Variants in VPS52 observed in about 807,000 individuals in gnomAD.
VPS52 encodes VPS52 subunit of GARP complex.
A neutral mutation model predicts 98.7 loss-of-function variants in VPS52; 56 were observed. The observed-to-expected ratio is 0.57, with a 90% CI of 0.46 to 0.71. The LOEUF (loss-of-function observed/expected upper bound fraction) is 0.71. VPS52 is among the 30% of genes least tolerant of loss of function. The pLI is 0.00. For missense variants in VPS52, 742 were observed against 925.9 expected, an observed-to-expected ratio of 0.80 and a Z score of 2.58; for synonymous variants, 348 against 346.4, an observed-to-expected ratio of 1.00 and a Z score of -0.05.
chr6:33,252,119 T>C, intron 17 of VPS52, 148 bp from the exon 18 acceptor site: 1 of 659,516 alleles, frequency 1.5e-6, no homozygotes, highest in East Asian at 2.7e-5. Context: ...AAAAATATCC[T>C]CAATCCTAAT....
intron 17 of VPS52, among the ~76,000 whole-genome samples, chr6:33,252,667 GA>G (rs1184916743): frequency 1.3e-5 from 2 of 150,790 alleles, no homozygotes; most frequent in Non-Finnish European, 3.0e-5. Context: ...TTGAAAAAAG[GA>G]AATTTTTTTA....
chr6:33,263,902 G>A lies in VPS52; in HGVS notation c.1621-23C>T. ...CACCTGAAAAGGCAGAGAGGAAGAG[G>A]TGACACCAGAAAGCAAGGTCATCTG... On this transcript the variant is annotated intron_variant, in intron 15 of 19. Transcript: ENST00000445902. 2.5e-6 allele frequency: 4 copies of A among 1,614,052 alleles called. No homozygotes were observed. The African/African-American group carries it at 4.0e-5, about 16-fold the overall frequency.
rs780409754 is a variant in VPS52 at position 33,267,335 on chromosome 6, G to A, written c.992-14C>T. The A allele has an allele frequency of 1.3e-6, 2 of 1,561,092 alleles. No homozygotes were observed. The highest frequency in any genetic ancestry group is 2.4e-5 in the South Asian group (2 of 82,430). ...TTGAGAAGAATCGTAAGATGGGTCAGAGTCAGGGAAAACAATGAGACCATA... is the reference window on the plus strand; with the variant it reads ...TTGAGAAGAATCGTAAGATGGGTCAAAGTCAGGGAAAACAATGAGACCATA... On this transcript the variant is annotated splice_polypyrimidine_tract_variant and intron_variant, in intron 10 of 19. Coordinates refer to ENST00000445902, the MANE Select transcript of VPS52 (RefSeq NM_022553.6). This position sits in a 1 kb window ranked among gnomAD's most constrained non-coding sequence, Gnocchi z 4.2.
intron 17 of VPS52, among the ~76,000 whole-genome samples, chr6:33,258,479 G>C (rs1347302291): frequency 8.6e-6 from 1 of 116,954 alleles, no homozygotes; most frequent in African/African-American, 3.0e-5. Flanking sequence ...AAAAAAAAAA[G>C]TAAAAAGATA....
chr6:33,263,362 T>G, intron 17 of VPS52, 122 bp downstream of exon 17: 43 of 803,806 alleles, frequency 5.3e-5, no homozygotes, highest in Non-Finnish European at 7.2e-5. Context: ...TCCGCATACC[T>G]GAGATCCATT....
Position 33,268,728 on chromosome 6 carries a change from C to A in VPS52, c.549-79G>T. The stretch of plus-strand genomic sequence containing the variant: ...AACCAGACCCAGACCACACTCCTTA[C>A]CTCCAGCCCCTGTCATCTCTACCAC... On this transcript the variant is annotated intron_variant, in intron 6 of 19. Coordinates refer to ENST00000445902, the MANE Select transcript of VPS52 (RefSeq NM_022553.6). The surrounding 1 kb of genome is among the most constrained non-coding windows in gnomAD (Gnocchi z 4.0). 1 of 1,463,858 alleles carries A rather than the reference C, an allele frequency of 6.8e-7. No homozygotes were observed. The highest frequency in any genetic ancestry group is 1.4e-5 in the African/African-American group (1 of 70,854). The allele number at this position is 1,463,858 out of a possible 1,614,324, so 90.7% of individuals were successfully genotyped here. A position where few individuals can be genotyped will look rare whatever the true frequency, so the allele number is the denominator to read the frequency against.
chr6:33,250,764 C>T lies in VPS52; in HGVS notation c.*77G>A, dbSNP rs1294376775. 1 of 1,548,338 alleles carries T rather than the reference C, an allele frequency of 6.5e-7. No individual in the cohort carries two copies. ...AAGGGGAAAACTGGAAGGGGTACCC[C>T]AGGTGAAGAAGGGTATGGAATGGGG... On this transcript the variant is annotated 3_prime_UTR_variant, in exon 20 of 20. Transcript: ENST00000445902.
At position 33,268,399 on chromosome 6, in the gene VPS52, T is replaced by A. The variant is rs575818248; in HGVS notation, c.699+100A>T. On this transcript the variant is annotated intron_variant, in intron 7 of 19. Coordinates refer to ENST00000445902, the MANE Select transcript of VPS52 (RefSeq NM_022553.6). This position sits in a 1 kb window ranked among gnomAD's most constrained non-coding sequence, Gnocchi z 4.0. The stretch of plus-strand genomic sequence containing the variant: ...CCCAGAAAAGGCAGGGTGAAGTCCC[T>A]GGAGACAGGCTACAGTGAGCTCTGC... 1.4e-6 allele frequency: 2 copies of A among 1,475,822 alleles called. No individual in the cohort carries two copies. The highest frequency in any genetic ancestry group is 2.6e-5 in the South Asian group (2 of 76,476). 91.4% of individuals were successfully genotyped at this position (1,475,822 alleles called of 1,614,324 possible).
Position 33,267,501 on chromosome 6 carries a change from A to G in VPS52, c.992-180T>C, listed in dbSNP as rs1319925137. The G allele has an allele frequency of 5.0e-6, 6 of 1,189,174 alleles. No homozygotes were observed. The highest frequency in any genetic ancestry group is 4.6e-5 in the African/African-American group (3 of 65,230). The allele number at this position is 1,189,174 out of a possible 1,614,324, so 73.7% of individuals were successfully genotyped here. A position where few individuals can be genotyped will look rare whatever the true frequency, so the allele number is the denominator to read the frequency against. On this transcript the variant is annotated intron_variant, in intron 10 of 19. Transcript: ENST00000445902. This position sits in a 1 kb window ranked among gnomAD's most constrained non-coding sequence, Gnocchi z 4.2. ...GTGTCTCTCCCTCCCTTGCAATCAT[A>G]TGCAAAACTATGTGTCAAAATAATG...
Position 33,251,930 on chromosome 6 carries a change from T to C in VPS52, c.1836A>G (p.Leu612=). 1 of 1,613,190 alleles carries C rather than the reference T, an allele frequency of 6.2e-7. No individual in the cohort carries two copies. The highest frequency in any genetic ancestry group is 8.5e-7 in the Non-Finnish European group (1 of 1,180,028). The part of the protein sequence containing the change: ...EELLSPPFGG[L]VAFVKEAEAL... ...CCTCAGCCTCCTTCACAAATGCCAC[T>C]AAACCCCCAAAAGGGGGAGACAGCA... is the stretch of plus-strand genomic sequence containing the variant. The change falls in exon 18 of 20, where the codon TTA becomes TTG. Residue 612 remains leucine, a synonymous_variant. Transcript: ENST00000445902.
chr6:33,271,379 G>T (rs1430704538), intron 1 of VPS52: 1 of 750,306 alleles, frequency 1.3e-6, no homozygotes. Context: ...GTGGAGTGAA[G>T]TTGAAATTTT....
In VPS52 at chr6:33,263,554, G is replaced by A. The variant is rs754750388; in HGVS notation, c.1729-5C>T. ...GCTGTCATCTGCAGCCCGCTCCTAA[G>A]GGAAGACAAAGGGAAATGTCTAGTT... On this transcript the variant is annotated splice_polypyrimidine_tract_variant and splice_region_variant and intron_variant, in intron 16 of 19. Coordinates refer to ENST00000445902, the MANE Select transcript of VPS52 (RefSeq NM_022553.6). 3 of 1,614,092 alleles carry A rather than the reference G, an allele frequency of 1.9e-6. No homozygotes were observed. Among genetic ancestry groups the A allele is most frequent in the Non-Finnish European group, 2.5e-6 (3 of 1,180,024 alleles).
At chr6:33,257,383 C>T (rs1041975898) in intron 17 of VPS52, among the ~76,000 whole-genome samples, 6 of 151,714 alleles carry the variant, frequency 4.0e-5, no homozygotes, top group African/African-American at 1.5e-4. Context: ...TTTTTCTGGC[C>T]TTGGAGTAAT....
Position 33,267,555 on chromosome 6 carries a change from AGCT to A in VPS52, c.991+124_991+126del, listed in dbSNP as rs1156423344. 1 of 1,265,012 alleles carries A rather than the reference AGCT, an allele frequency of 7.9e-7. No individual in the cohort carries two copies. The highest frequency in any genetic ancestry group is 1.1e-6 in the Non-Finnish European group (1 of 901,542). The allele number at this position is 1,265,012 out of a possible 1,614,324, so 78.4% of individuals were successfully genotyped here. Reference sequence around the variant, plus strand: ...GCATCTTTCTGGGGAGGGAGGCTATAGCTTTCATCACATTCTAAAAGGTTTCAG... The same window carrying A: ...GCATCTTTCTGGGGAGGGAGGCTATATTCATCACATTCTAAAAGGTTTCAG... On this transcript the variant is annotated intron_variant, in intron 10 of 19. Transcript: ENST00000445902. The surrounding 1 kb of genome is among the most constrained non-coding windows in gnomAD (Gnocchi z 4.2).
intron 17 of VPS52, among the ~76,000 whole-genome samples, chr6:33,257,106 T>G (rs974587467): frequency 1.5e-4 from 23 of 152,180 alleles, no homozygotes; most frequent in African/African-American, 5.5e-4. Context: ...CAGGGCTCAC[T>G]GCAGCCTCGA....
chr6:33,265,847 T>G (rs1036214537), intron 12 of VPS52, among the ~76,000 whole-genome samples: 2 of 132,192 alleles, frequency 1.5e-5, no homozygotes, highest in Non-Finnish European at 3.4e-5. Flanking sequence ...CATGGGGGAG[T>G]AACACTGTGA....
At chr6:33,258,175 G>A (rs1763216921) in intron 17 of VPS52, among the ~76,000 whole-genome samples, 1 of 151,946 alleles carries the variant, frequency 6.6e-6, no homozygotes, top group Non-Finnish European at 1.5e-5. Flanking sequence ...ATCACCTGAG[G>A]TCAGGCGTTC....
rs1051776225 is a variant in VPS52, at chr6:33,271,758, C to G, written c.-83G>C. 54 of 1,498,540 alleles carry G rather than the reference C, an allele frequency of 3.6e-5. No individual in the cohort carries two copies. The African/African-American group carries it at 7.0e-4, about 19-fold the overall frequency. The allele number at this position is 1,498,540 out of a possible 1,614,324, so 92.8% of individuals were successfully genotyped here. ...GAGCTACAAGTCCCAAAGGGTCTTC[C>G]TCAGCGCGAAATCGTTCCCAGATAT... On this transcript the variant is annotated 5_prime_UTR_variant, in exon 1 of 20. Coordinates refer to ENST00000445902, the MANE Select transcript of VPS52 (RefSeq NM_022553.6).
At chr6:33,263,449 G>A (rs778812321) in intron 17 of VPS52, 35 bp downstream of exon 17, 1 of 1,555,454 alleles carries the variant, frequency 6.4e-7, no homozygotes, top group Non-Finnish European at 8.7e-7. Context: ...AAACAGCACA[G>A]AAGGCTGTCT....
Sources: allele counts gnomAD v4.1 joint callset (sites outside exome capture counted in the v4.1 genomes callset), GRCh38; gene constraint gnomAD v4.1.1; non-coding constraint Gnocchi (gnomAD v3.1); transcripts MANE v1.5; gene names NCBI Gene and HGNC (gene_info 2026-07-23, HGNC 2026-07-21).